The following PCDHGC4 variants were observed in gnomAD, a reference collection of about 807,000 sequenced individuals.
PCDHGC4 encodes the protein protocadherin gamma-C4.
PCDHGC4 carries 15 observed loss-of-function variants against 59.7 expected under a neutral mutation model. The ratio of observed to expected loss-of-function variants is 0.25; its 90% CI spans 0.17 to 0.39. The LOEUF (loss-of-function observed/expected upper bound fraction) is 0.39, where lower values mean the gene tolerates loss of function less well. Ranked by LOEUF, PCDHGC4 falls within the 10% of genes least tolerant of loss-of-function variation. PCDHGC4 has a pLI of 1.00. For synonymous variants in PCDHGC4, 434 were observed against 481.4 expected, an observed-to-expected ratio of 0.90 and a Z score of 1.29; for missense variants, 1,016 against 1,189.5, an observed-to-expected ratio of 0.85 and a Z score of 2.15.
In PCDHGC4 at chr5:141,490,275, C is replaced by A; in HGVS notation, c.2442+2660C>A. 6.2e-7 allele frequency: 1 copy of A among 1,614,238 alleles called. No individual in the cohort carries two copies. The highest frequency in any genetic ancestry group is 8.5e-7 in the Non-Finnish European group (1 of 1,180,044). On this transcript the variant is annotated intron_variant, in intron 1 of 3. Transcript: ENST00000306593. The surrounding 1 kb of genome is among the most constrained non-coding windows in gnomAD (Gnocchi z 5.4). Reference sequence around the variant, plus strand: ...AAGTGGATGTGGGGGATGTCAATGACAATGCCCCAGAGGTGCTATTGGCCT... The same window carrying A: ...AAGTGGATGTGGGGGATGTCAATGAAAATGCCCCAGAGGTGCTATTGGCCT...
chr5:141,490,951 T>G lies in PCDHGC4; in HGVS notation c.2442+3336T>G, dbSNP rs778168052. On this transcript the variant is annotated intron_variant, in intron 1 of 3. Transcript: ENST00000306593. The surrounding 1 kb of genome is among the most constrained non-coding windows in gnomAD (Gnocchi z 5.4). ...AGCTGTGCTGCACCCACGGCCAGACTGGGAACACTCAGCCCCCCAGCGTCT... is the reference window on the plus strand; with the variant it reads ...AGCTGTGCTGCACCCACGGCCAGACGGGGAACACTCAGCCCCCCAGCGTCT... The G allele has an allele frequency of 6.2e-7, 1 of 1,613,638 alleles. No individual in the cohort carries two copies. The highest frequency in any genetic ancestry group is 1.3e-5 in the African/African-American group (1 of 74,900).
chr5:141,493,179 T>C lies in PCDHGC4; in HGVS notation c.2443-1628T>C, dbSNP rs1208502829. 6.6e-6 allele frequency among the ~76,000 whole-genome samples: 1 copy of C among 152,230 alleles called. No homozygotes were observed. Among genetic ancestry groups the C allele is most frequent in the Non-Finnish European group, 1.5e-5 (1 of 68,040 alleles). On this transcript the variant is annotated intron_variant, in intron 1 of 3. Coordinates refer to ENST00000306593, the MANE Select transcript of PCDHGC4 (RefSeq NM_018928.3). This position sits in a 1 kb window ranked among gnomAD's most constrained non-coding sequence, Gnocchi z 4.3. ...TGATAGCTGATTGAGAGAAACTTAC[T>C]ATATAACTCCTTTGAGAACCTCATC...
chr5:141,500,186 T>A (rs1008615587), intron 2 of PCDHGC4, among the ~76,000 whole-genome samples: 7 of 99,362 alleles, frequency 7.0e-5, no homozygotes, highest in African/African-American at 3.5e-4. Flanking sequence ...ATTTTTATTT[T>A]TATTTATTTA....
At position 141,493,061 on chromosome 5, in the gene PCDHGC4, C is replaced by G. The variant is rs1386090478; in HGVS notation, c.2443-1746C>G. On this transcript the variant is annotated intron_variant, in intron 1 of 3. Transcript: ENST00000306593. The surrounding 1 kb of genome is among the most constrained non-coding windows in gnomAD (Gnocchi z 4.3). The stretch of plus-strand genomic sequence containing the variant: ...GAGGAAACTACAATAGTAAAAAACA[C>G]AAGTTTCTCCAACTCCAGGAGCTTT... Among the ~76,000 whole-genome samples the G allele has an allele frequency of 6.6e-6, 1 of 152,228 alleles. No individual in the cohort carries two copies. Among genetic ancestry groups the G allele is most frequent in the African/African-American group, 2.4e-5 (1 of 41,446 alleles).
In PCDHGC4 at chr5:141,494,748, C is replaced by T. The variant is rs566281527; in HGVS notation, c.2443-59C>T. On this transcript the variant is annotated intron_variant, in intron 1 of 3. Coordinates refer to ENST00000306593, the MANE Select transcript of PCDHGC4 (RefSeq NM_018928.3). ...CTCTCCCGGCCCATCCCTAGGGGCTCGGGTGACATTCTAACTTCTCACGGG... is the reference window on the plus strand; with the variant it reads ...CTCTCCCGGCCCATCCCTAGGGGCTTGGGTGACATTCTAACTTCTCACGGG... 1.4e-5 allele frequency: 22 copies of T among 1,613,104 alleles called. No individual in the cohort carries two copies. The East Asian group carries it at 4.2e-4, about 31-fold the overall frequency.
At chr5:141,492,505 C>A (rs1009723421) in intron 1 of PCDHGC4, among the ~76,000 whole-genome samples, 1 of 152,212 alleles carries the variant, frequency 6.6e-6, no homozygotes, top group Admixed American at 6.5e-5. Context: ...GACTCCGGAG[C>A]CTCCTCTCAC....
In PCDHGC4 at chr5:141,486,336, G is replaced by A. The variant is rs534793835; in HGVS notation, c.1163G>A (p.Arg388His). 3.8e-5 allele frequency: 61 copies of A among 1,613,992 alleles called. No individual in the cohort carries two copies. In the African/African-American group the frequency reaches 4.3e-4, roughly 11 times the overall value. The change falls in exon 1 of 4, where the codon CGC becomes CAC. Residue 388 changes from arginine to histidine, a missense_variant. Physicochemically the swap from Arg to His is conservative, Grantham distance 29. Coordinates refer to ENST00000306593, the MANE Select transcript of PCDHGC4 (RefSeq NM_018928.3). The surrounding 1 kb of genome is among the most constrained non-coding windows in gnomAD (Gnocchi z 5.0). The stretch of plus-strand genomic sequence containing the variant: ...GGGTCAAACGGAGATGTGAGCCTCC[G>A]CATTCCTGACCACTTGCCATTTGCC... ...DSGSNGDVSL[R>H]IPDHLPFALK...
In PCDHGC4 at chr5:141,493,103, A is replaced by G. The variant is rs1396614836; in HGVS notation, c.2443-1704A>G. Among the ~76,000 whole-genome samples the G allele has an allele frequency of 6.6e-6, 1 of 152,086 alleles. No homozygotes were observed. The highest frequency in any genetic ancestry group is 1.5e-5 in the Non-Finnish European group (1 of 68,022). On this transcript the variant is annotated intron_variant, in intron 1 of 3. Transcript: ENST00000306593. The surrounding 1 kb of genome is among the most constrained non-coding windows in gnomAD (Gnocchi z 4.3). ...AGGAGCTTTTATTCAAAATATATCA[A>G]TGCCTAACTCTGCTCCTAGGACTGT...
At chr5:141,506,898 T>C (rs2099857040) in intron 3 of PCDHGC4, among the ~76,000 whole-genome samples, 1 of 152,260 alleles carries the variant, frequency 6.6e-6, no homozygotes, top group East Asian at 1.9e-4. Context: ...AGAAGCACTG[T>C]CATCACACCT....
At position 141,511,516 on chromosome 5, in the gene PCDHGC4, T is replaced by A. The variant is rs2099883825; in HGVS notation, c.*343T>A. ...CTTCCAAATCAATCAGGCCCATCCA[T>A]CCCATGCCTCCCTCCTCCCCACCCC... is the stretch of plus-strand genomic sequence containing the variant. On this transcript the variant is annotated 3_prime_UTR_variant, in exon 4 of 4. Transcript: ENST00000306593. 1 of 365,020 alleles carries A rather than the reference T, an allele frequency of 2.7e-6. No individual in the cohort carries two copies. Among genetic ancestry groups the A allele is most frequent in the Admixed American group, 4.0e-5 (1 of 25,162 alleles). The allele number at this position is 365,020 out of a possible 1,614,324, so 22.6% of individuals were successfully genotyped here.
Position 141,511,656 on chromosome 5 carries a change from C to T in PCDHGC4, c.*483C>T, listed in dbSNP as rs2099883892. On this transcript the variant is annotated 3_prime_UTR_variant, in exon 4 of 4. Transcript: ENST00000306593. ...GGGCATCATGACCTCTTGGCCTCTC[C>T]TTTGATTCTCAATCTTCCCCCAAAG... is the stretch of plus-strand genomic sequence containing the variant. 4.9e-6 allele frequency: 1 copy of T among 206,024 alleles called. No individual in the cohort carries two copies. The highest frequency in any genetic ancestry group is 5.2e-5 in the Admixed American group (1 of 19,114). 12.8% of individuals were successfully genotyped at this position (206,024 alleles called of 1,614,324 possible).
rs965707754 is a variant in PCDHGC4 at position 141,505,329 on chromosome 5, G to A, written c.2502-64G>A. On this transcript the variant is annotated intron_variant, in intron 2 of 3. Coordinates refer to ENST00000306593, the MANE Select transcript of PCDHGC4 (RefSeq NM_018928.3). ...ACTAGGTTTGGGAGCCCTGGGAGAG[G>A]ACAGGAGGGGCATGAGCTGTGCCGG... is the stretch of plus-strand genomic sequence containing the variant. The A allele has an allele frequency of 2.5e-6, 4 of 1,610,060 alleles. No individual in the cohort carries two copies. The African/African-American group carries it at 5.3e-5, about 22-fold the overall frequency.
Position 141,487,295 on chromosome 5 carries a change from T to C in PCDHGC4, c.2122T>C (p.Phe708Leu), listed in dbSNP as rs2099642474. The C allele has an allele frequency of 5.6e-6, 9 of 1,614,164 alleles. No individual in the cohort carries two copies. In the East Asian group the frequency reaches 1.3e-4, roughly 24 times the overall value. ...VAICFVSFGS[F>L]VALLSKCLRG... ...AATTTGCTTTGTCTCCTTTGGCTCA[T>C]TCGTGGCACTACTCTCTAAGTGTCT... Residue 708 changes from phenylalanine (F) to leucine (L), a missense_variant, in exon 1 of 4, where the codon TTC (phenylalanine) becomes CTC (leucine). Phe to Leu is a conservative substitution (Grantham distance 22). Transcript: ENST00000306593. This position sits in a 1 kb window ranked among gnomAD's most constrained non-coding sequence, Gnocchi z 5.0.
rs968865313 is a variant in PCDHGC4, at chr5:141,511,294, C to T, written c.*121C>T. 1 of 1,506,752 alleles carries T rather than the reference C, an allele frequency of 6.6e-7. No individual in the cohort carries two copies. Among genetic ancestry groups the T allele is most frequent in the Non-Finnish European group, 8.9e-7 (1 of 1,123,692 alleles). 93.3% of individuals were successfully genotyped at this position (1,506,752 alleles called of 1,614,324 possible). On this transcript the variant is annotated 3_prime_UTR_variant, in exon 4 of 4. Coordinates refer to ENST00000306593, the MANE Select transcript of PCDHGC4 (RefSeq NM_018928.3). ...CCCAGAATACTGGTAGGGGCCAAGG[C>T]CATGCTCCCCTTGGGAAACAGAAAC...
At position 141,491,462 on chromosome 5, in the gene PCDHGC4, T is replaced by C; in HGVS notation, c.2443-3345T>C. 1.2e-6 allele frequency: 2 copies of C among 1,614,004 alleles called. No individual in the cohort carries two copies. The highest frequency in any genetic ancestry group is 1.7e-6 in the Non-Finnish European group (2 of 1,179,978). ...CGCCAGGACTCACCCTCCCCGGACT[T>C]CTATAAGCAGTCCAGCCCCAACCTG... On this transcript the variant is annotated intron_variant, in intron 1 of 3. Coordinates refer to ENST00000306593, the MANE Select transcript of PCDHGC4 (RefSeq NM_018928.3). This position sits in a 1 kb window ranked among gnomAD's most constrained non-coding sequence, Gnocchi z 6.9.
At position 141,491,640 on chromosome 5, in the gene PCDHGC4, T is replaced by A; in HGVS notation, c.2443-3167T>A. 6.2e-7 allele frequency: 1 copy of A among 1,613,804 alleles called. No homozygotes were observed. Among genetic ancestry groups the A allele is most frequent in the South Asian group, 1.1e-5 (1 of 91,086 alleles). On this transcript the variant is annotated intron_variant, in intron 1 of 3. Coordinates refer to ENST00000306593, the MANE Select transcript of PCDHGC4 (RefSeq NM_018928.3). This position sits in a 1 kb window ranked among gnomAD's most constrained non-coding sequence, Gnocchi z 6.9. ...CCCTCAGCGTTCAGCAGCCCACAGC[T>A]CTGGCGCTGGAGCCTGACGCCATCC...
At position 141,487,493 on chromosome 5, in the gene PCDHGC4, C is replaced by A. The variant is rs1372433097; in HGVS notation, c.2320C>A (p.Pro774Thr). 5.6e-6 allele frequency: 9 copies of A among 1,614,050 alleles called. No individual in the cohort carries two copies. The highest frequency in any genetic ancestry group is 6.8e-6 in the Non-Finnish European group (8 of 1,180,034). The change falls in exon 1 of 4, where the codon CCC becomes ACC. Residue 774 changes from proline to threonine, a missense_variant. By Grantham distance (38) the Pro-to-Thr change is conservative. Coordinates refer to ENST00000306593, the MANE Select transcript of PCDHGC4 (RefSeq NM_018928.3). This position sits in a 1 kb window ranked among gnomAD's most constrained non-coding sequence, Gnocchi z 5.0. ...GGGAGGCCACTCTCATGGCTGTACACCCTTGGCTTCTGCACCCACTCGGAG... is the reference window on the plus strand; with the variant it reads ...GGGAGGCCACTCTCATGGCTGTACAACCTTGGCTTCTGCACCCACTCGGAG... ...DVGGHSHGCT[P>T]LASAPTRSDS... is the part of the protein sequence containing the mutation.
intron 2 of PCDHGC4, among the ~76,000 whole-genome samples, chr5:141,501,015 C>T (rs950216755): frequency 6.6e-5 from 10 of 151,866 alleles, no homozygotes; most frequent in African/African-American, 2.4e-4. Context: ...ACTACAGGCA[C>T]GCGCCACCAC....
intron 1 of PCDHGC4, chr5:141,492,046 AC>A (rs955983612): frequency 2.0e-6 from 1 of 494,316 alleles, no homozygotes; most frequent in African/African-American, 2.0e-5. Context: ...TCACAGATCC[AC>A]CCCTGCAGCC....
Sources: gnomAD v4.1 joint callset for allele counts (sites outside exome capture counted in the v4.1 genomes callset) on GRCh38, gnomAD v4.1.1 for gene constraint, Gnocchi (gnomAD v3.1) non-coding constraint, MANE v1.5 for transcripts, NCBI Gene and HGNC (gene_info 2026-07-23, HGNC 2026-07-21) for gene names.